The following GALNT1 variants were observed in gnomAD, a reference collection of about 807,000 sequenced individuals.
GALNT1 encodes the protein polypeptide N-acetylgalactosaminyltransferase 1.
Under a neutral mutation model 65.7 loss-of-function variants are expected in GALNT1, and 17 were observed. The ratio of observed to expected loss-of-function variants is 0.26; its 90% CI spans 0.18 to 0.39. GALNT1 has a LOEUF of 0.39. Among genes scored for constraint, GALNT1 ranks in the 10% least tolerant of loss-of-function variants. The pLI is 1.00. For missense variants in GALNT1, 460 were observed against 672.8 expected (o/e 0.68, Z 3.50); for synonymous variants, 210 against 219.7 (o/e 0.96, Z 0.39).
chr18:35,671,533 C>T (rs1355266607), intron 3 of GALNT1, among the ~76,000 whole-genome samples: 1 of 152,166 alleles, frequency 6.6e-6, no homozygotes, highest in Admixed American at 6.5e-5. Flanking sequence ...TATATTTGAA[C>T]TTCTTTTAGG....
chr18:35,607,266 T>C (rs1031382832), intron 1 of GALNT1, among the ~76,000 whole-genome samples: 3 of 151,886 alleles, frequency 2.0e-5, no homozygotes, highest in African/African-American at 7.3e-5. Flanking sequence ...GCAGAGTTGA[T>C]TGGGGATGAA....
intron 11 of GALNT1, among the ~76,000 whole-genome samples, chr18:35,709,158 A>G (rs2048313800): frequency 6.6e-6 from 1 of 152,256 alleles, no homozygotes; most frequent in Non-Finnish European, 1.5e-5. Flanking sequence ...TCACAGAATT[A>G]ACTTGAACAG....
chr18:35,673,142 T>C (rs1251201726), intron 3 of GALNT1, among the ~76,000 whole-genome samples: 2 of 152,186 alleles, frequency 1.3e-5, no homozygotes, highest in Admixed American at 6.5e-5. Flanking sequence ...CCAGACATCT[T>C]ATGAGATATT....
intron 4 of GALNT1, among the ~76,000 whole-genome samples, chr18:35,681,470 C>G (rs985635521): frequency 6.6e-6 from 1 of 151,368 alleles, no homozygotes; most frequent in Non-Finnish European, 1.5e-5. Flanking sequence ...GTGAGTTACC[C>G]GACCACAGAA....
chr18:35,686,036 C>T (rs1295440629), intron 5 of GALNT1, among the ~76,000 whole-genome samples: 2 of 152,180 alleles, frequency 1.3e-5, no homozygotes, highest in African/African-American at 4.8e-5. Flanking sequence ...CCATTGCCCT[C>T]TAGCCTGGGC....
At chr18:35,631,545 T>C (rs1257343743) in intron 1 of GALNT1, among the ~76,000 whole-genome samples, 2 of 152,186 alleles carry the variant, frequency 1.3e-5, no homozygotes, top group African/African-American at 4.8e-5. Flanking sequence ...TAGGTATTCA[T>C]GGGACATATC....
At chr18:35,608,054 C>G (rs1020184808) in intron 1 of GALNT1, among the ~76,000 whole-genome samples, 1 of 151,780 alleles carries the variant, frequency 6.6e-6, no homozygotes, top group East Asian at 1.9e-4. Context: ...ATCTATACAG[C>G]AGTTTTTATA....
intron 1 of GALNT1, among the ~76,000 whole-genome samples, chr18:35,636,565 G>C (rs1350230739): frequency 6.6e-6 from 1 of 152,058 alleles, no homozygotes; most frequent in African/African-American, 2.4e-5. Context: ...TTTCTCTTTG[G>C]AATGTGAATG....
At chr18:35,706,509 A>T (rs1190177511) in intron 11 of GALNT1, among the ~76,000 whole-genome samples, 1 of 128,388 alleles carries the variant, frequency 7.8e-6, no homozygotes, top group Non-Finnish European at 1.7e-5. Flanking sequence ...CTCAAAAAAT[A>T]AAATTAAATT....
chr18:35,700,913 T>C (rs1363058820), intron 9 of GALNT1, among the ~76,000 whole-genome samples: 1 of 152,220 alleles, frequency 6.6e-6, no homozygotes, highest in African/African-American at 2.4e-5. Flanking sequence ...CTGTGGCATT[T>C]ATCATCTTTC....
chr18:35,669,468 TAG>T (rs1274923462), intron 3 of GALNT1, among the ~76,000 whole-genome samples: 4 of 152,200 alleles, frequency 2.6e-5, no homozygotes, highest in African/African-American at 9.6e-5. Context: ...CAGCAATATA[TAG>T]AATAAATGAT....
At chr18:35,694,399 G>T (rs1355094775) in intron 9 of GALNT1, among the ~76,000 whole-genome samples, 1 of 152,050 alleles carries the variant, frequency 6.6e-6, no homozygotes, top group Non-Finnish European at 1.5e-5. Flanking sequence ...CATTAGAATG[G>T]CCACTATCAA....
chr18:35,690,274 G>C (rs1221526067), intron 7 of GALNT1, among the ~76,000 whole-genome samples: 2 of 151,944 alleles, frequency 1.3e-5, no homozygotes, highest in East Asian at 3.9e-4. Flanking sequence ...TCTCACTGAA[G>C]AACTTACAAT....
chr18:35,643,713 G>A (rs996051820), intron 1 of GALNT1, among the ~76,000 whole-genome samples: 1 of 151,736 alleles, frequency 6.6e-6, no homozygotes, highest in East Asian at 1.9e-4. Context: ...CAGGAGAATG[G>A]CGTGAACCGG....
chr18:35,589,862 A>G (rs981484500), intron 1 of GALNT1, among the ~76,000 whole-genome samples: 1 of 152,262 alleles, frequency 6.6e-6, no homozygotes, highest in Non-Finnish European at 1.5e-5. Flanking sequence ...AAACCACAAT[A>G]TATAATTTCC....
intron 9 of GALNT1, among the ~76,000 whole-genome samples, chr18:35,692,812 AATG>A (rs2047990260): frequency 6.6e-6 from 1 of 152,170 alleles, no homozygotes; most frequent in African/African-American, 2.4e-5. Flanking sequence ...CACAGCAGCA[AATG>A]ATGATATGTG....
At chr18:35,622,140 TATAAAG>T (rs1452054740) in intron 1 of GALNT1, among the ~76,000 whole-genome samples, 2 of 152,198 alleles carry the variant, frequency 1.3e-5, no homozygotes, top group African/African-American at 2.4e-5. Flanking sequence ...CACAGATTAA[TATAAAG>T]ATAATTTTTT....
intron 1 of GALNT1, among the ~76,000 whole-genome samples, chr18:35,612,964 A>T (rs1397766983): frequency 1.3e-5 from 2 of 152,128 alleles, no homozygotes; most frequent in Non-Finnish European, 2.9e-5. Context: ...TAAAAAAATT[A>T]ATCAGTGGTA....
intron 1 of GALNT1, among the ~76,000 whole-genome samples, chr18:35,627,784 G>A (rs1303322378): frequency 6.6e-6 from 1 of 152,108 alleles, no homozygotes; most frequent in Non-Finnish European, 1.5e-5. Flanking sequence ...ACCTCACTCG[G>A]GAAGCACAAG....
Sources: gnomAD v4.1 joint callset for allele counts (sites outside exome capture counted in the v4.1 genomes callset) on GRCh38, gnomAD v4.1.1 for gene constraint, MANE v1.5 for transcripts, NCBI Gene and HGNC (gene_info 2026-07-23, HGNC 2026-07-21) for gene names.